SUMF2: variants seen among roughly 807,000 people sequenced by gnomAD.
SUMF2 encodes inactive C-alpha-formylglycine-generating enzyme 2.
SUMF2 carries 45 observed loss-of-function variants against 44.8 expected under a neutral mutation model. That is an observed-to-expected ratio of 1.00 (90% CI 0.79 to 1.29). SUMF2 has a LOEUF of 1.29. Among genes scored for constraint, SUMF2 ranks in the 50% most tolerant of loss-of-function variants. The pLI is 0.00. For synonymous variants in SUMF2, 148 were observed against 150.4 expected (o/e 0.98, Z 0.12); for missense variants, 418 against 389.9 (o/e 1.07, Z -0.61).
chr7:56,064,509 T>G (rs887976329), intron 1 of SUMF2, 131 bp downstream of exon 1: 24 of 1,310,068 alleles, frequency 1.8e-5, no homozygotes, highest in Non-Finnish European at 2.1e-5. Context: ...GGGAGGTAGC[T>G]CTCGGTGCGC....
At chr7:56,072,925 T>G (rs13238899) in intron 2 of SUMF2, 72 bp from the exon 3 acceptor site, 85,549 of 1,127,292 alleles carry the variant, frequency 0.076, 4,346 homozygotes, top group East Asian at 0.25. Context: ...TATCTGAAGT[T>G]TCCTGGAGCA....
rs760397257 is a variant in SUMF2 at position 56,074,689 on chromosome 7, T to A, written c.488T>A (p.Leu163Gln). 3.1e-6 allele frequency: 5 copies of A among 1,614,134 alleles called. No individual in the cohort carries two copies. The South Asian group carries it at 5.5e-5, about 18-fold the overall frequency. ...TACTGTGCTTGGCGGGGAAAACGACTGCCCACGGAGGAAGAGTGGGAGTTT... is the reference window on the plus strand; with the variant it reads ...TACTGTGCTTGGCGGGGAAAACGACAGCCCACGGAGGAAGAGTGGGAGTTT... ...RAYCAWRGKR[L>Q]PTEEEWEFAA... Residue 163 changes from leucine (L) to glutamine (Q), a missense_variant, in exon 5 of 9, where the codon CTG becomes CAG. Coordinates refer to ENST00000434526, the MANE Select transcript of SUMF2 (RefSeq NM_015411.4).
At chr7:56,086,074 G>T in the SUMF2 span, among the ~76,000 whole-genome samples, 1 of 151,236 alleles carries the variant, frequency 6.6e-6, no homozygotes, top group East Asian at 2.0e-4. Context: ...CTGGTCTTTG[G>T]TGCTGACCGA....
the SUMF2 span, chr7:56,086,749 A>G: frequency 3.5e-6 from 2 of 566,414 alleles, no homozygotes; most frequent in East Asian, 2.9e-5. Context: ...TACTGATGAG[A>G]AAACCAAGAT....
the SUMF2 span, chr7:56,087,542 G>T: frequency 6.4e-7 from 1 of 1,557,094 alleles, no homozygotes; most frequent in Non-Finnish European, 8.8e-7. Flanking sequence ...GGCTTGGGCT[G>T]TCAGGGCAGA....
chr7:56,081,478 A>C (rs1795987194), downstream of SUMF2: 5 of 1,214,112 alleles, frequency 4.1e-6, no homozygotes, highest in Admixed American at 2.1e-5. The surrounding 1 kb of genome is among the most constrained non-coding windows in gnomAD (Gnocchi z 4.6). Context: ...CAGTGGGCTG[A>C]CACCTGCCGT....
At chr7:56,074,491 C>A in intron 4 of SUMF2, 95 bp from the exon 5 acceptor site, 1 of 1,499,462 alleles carries the variant, frequency 6.7e-7, no homozygotes, top group Non-Finnish European at 9.1e-7. Flanking sequence ...CTTGCTCCAT[C>A]TAGTGGTAAA....
chr7:56,069,304 C>G (rs1795014831), intron 2 of SUMF2, among the ~76,000 whole-genome samples: 1 of 151,944 alleles, frequency 6.6e-6, no homozygotes, highest in Admixed American at 6.6e-5. Flanking sequence ...AGTAGAGAGT[C>G]CTTTAAATTC....
chr7:56,079,363 G>C, intron 8 of SUMF2, 165 bp from the exon 9 acceptor site: 1 of 695,734 alleles, frequency 1.4e-6, no homozygotes. Flanking sequence ...GACTGGCACA[G>C]GCTCAGGACC....
chr7:56,081,832 C>T (rs546618556), downstream of SUMF2: 456 of 1,608,362 alleles, frequency 2.8e-4, 2 homozygotes, highest in African/African-American at 4.6e-3. This position sits in a 1 kb window ranked among gnomAD's most constrained non-coding sequence, Gnocchi z 4.6. Flanking sequence ...AGGGCCTCCC[C>T]GGGCAGGGGC....
At chr7:56,074,319 T>G in intron 4 of SUMF2, 101 bp downstream of exon 4, 2 of 1,307,124 alleles carry the variant, frequency 1.5e-6, no homozygotes, top group Admixed American at 1.8e-5. Flanking sequence ...AACACTGAGT[T>G]TCAAAGAAGG....
At chr7:56,065,138 A>C (rs1242306878) in intron 1 of SUMF2, among the ~76,000 whole-genome samples, 2 of 140,570 alleles carry the variant, frequency 1.4e-5, no homozygotes. Flanking sequence ...GCCTGCAGTG[A>C]GCGGAGATAG....
chr7:56,078,417 G>T lies in SUMF2; in HGVS notation c.730G>T (p.Ala244Ser). The T allele has an allele frequency of 6.2e-7, 1 of 1,612,210 alleles. No individual in the cohort carries two copies. Among genetic ancestry groups the T allele is most frequent in the Non-Finnish European group, 8.5e-7 (1 of 1,178,974 alleles). ...GGAGTGGACAGCATCACCGTACCAG[G>T]CTGCTGAGCAGGACATGCGCGTCCT... ...VWEWTASPYQ[A>S]AEQDMRVLRG... Residue 244 changes from alanine (A) to serine (S), a missense_variant, in exon 8 of 9, where the codon GCT becomes TCT. Physicochemically the swap from Ala to Ser is moderately conservative, Grantham distance 99. Transcript: ENST00000434526.
chr7:56,081,811 T>G, downstream of SUMF2: 3 of 1,608,310 alleles, frequency 1.9e-6, no homozygotes. The surrounding 1 kb of genome is among the most constrained non-coding windows in gnomAD (Gnocchi z 4.6). Flanking sequence ...CTCCAGCATG[T>G]CAGGAAAGGC....
At chr7:56,067,435 C>T (rs1380087236) in intron 1 of SUMF2, among the ~76,000 whole-genome samples, 3 of 152,172 alleles carry the variant, frequency 2.0e-5, no homozygotes, top group Admixed American at 1.3e-4. Context: ...CTGCCTTAGC[C>T]TCTGCACCCT....
downstream of SUMF2, chr7:56,081,245 C>G: frequency 6.2e-7 from 1 of 1,613,402 alleles, no homozygotes; most frequent in African/African-American, 1.3e-5. This position sits in a 1 kb window ranked among gnomAD's most constrained non-coding sequence, Gnocchi z 4.6. Context: ...ACAGGCTTCA[C>G]CCGGCGGTAC....
At chr7:56,080,752 AG>A, downstream of SUMF2, 1 of 428,318 alleles carries the variant, frequency 2.3e-6, no homozygotes. Context: ...TCCCCTAAAG[AG>A]AAATGGAGAT....
chr7:56,083,690 A>T, downstream of SUMF2: 2 of 1,584,060 alleles, frequency 1.3e-6, no homozygotes, highest in Non-Finnish European at 1.7e-6. Context: ...TCAGTGAGGT[A>T]GTCAAAGAGC....
At chr7:56,083,802 A>T, downstream of SUMF2, 2 of 878,042 alleles carry the variant, frequency 2.3e-6, no homozygotes, top group East Asian at 5.3e-5. Context: ...TTCCACCCTG[A>T]TACCTCTAGA....
Sources: allele counts gnomAD v4.1 joint callset (sites outside exome capture counted in the v4.1 genomes callset), GRCh38; gene constraint gnomAD v4.1.1; non-coding constraint Gnocchi (gnomAD v3.1); transcripts MANE v1.5; gene names NCBI Gene and HGNC (gene_info 2026-07-23, HGNC 2026-07-21).